The following CDC42SE2 variants were observed in gnomAD, a reference collection of about 807,000 sequenced individuals.
The protein encoded by CDC42SE2 is CDC42 small effector 2, also known as CDC42 small effector protein 2.
CDC42SE2 carries 3 observed loss-of-function variants against 11.5 expected under a neutral mutation model. The ratio of observed to expected loss-of-function variants is 0.26; its 90% CI spans 0.12 to 0.67. The LOEUF (loss-of-function observed/expected upper bound fraction) is 0.67. Ranked by LOEUF, CDC42SE2 falls within the 30% of genes least tolerant of loss-of-function variation. The pLI is 0.80. For missense variants in CDC42SE2, 82 were observed against 106.8 expected, an observed-to-expected ratio of 0.77 and a Z score of 1.02; for synonymous variants, 33 against 34.8, an observed-to-expected ratio of 0.95 and a Z score of 0.18.
At chr5:131,301,845 A>C (rs1488244011) in intron 1 of CDC42SE2, among the ~76,000 whole-genome samples, 1 of 152,118 alleles carries the variant, frequency 6.6e-6, no homozygotes, top group African/African-American at 2.4e-5. Context: ...GTATCATCAT[A>C]ATATTAAGCC....
At chr5:131,226,651 AG>A in the CDC42SE2 span, among the ~76,000 whole-genome samples, 2 of 152,194 alleles carry the variant, frequency 1.3e-5, no homozygotes, top group Non-Finnish European at 2.9e-5. Flanking sequence ...CAGCCAGAGT[AG>A]GGGCTTATGA....
intron 1 of CDC42SE2, among the ~76,000 whole-genome samples, chr5:131,245,882 A>G (rs1756577531): frequency 6.6e-6 from 1 of 152,216 alleles, no homozygotes; most frequent in African/African-American, 2.4e-5. Flanking sequence ...TCTATTTTAC[A>G]GTCTATGACA....
At chr5:131,328,624 A>T (rs191910510) in intron 2 of CDC42SE2, among the ~76,000 whole-genome samples, 50 of 152,306 alleles carry the variant, frequency 3.3e-4, no homozygotes, top group Non-Finnish European at 5.6e-4. Context: ...CTAGGGACAC[A>T]TTCTTGGATC....
At chr5:131,229,804 C>T in the CDC42SE2 span, among the ~76,000 whole-genome samples, 55 of 152,066 alleles carry the variant, frequency 3.6e-4, no homozygotes, top group Admixed American at 7.9e-4. Context: ...CATGGTGGCA[C>T]GAGCCTGTAG....
intron 3 of CDC42SE2, among the ~76,000 whole-genome samples, chr5:131,383,059 T>TA (rs1304086918): frequency 5.9e-5 from 9 of 151,980 alleles, no homozygotes; most frequent in Non-Finnish European, 2.9e-5. Context: ...TGAAGAGAAG[T>TA]ATGTTGAATG....
rs141559169 is a variant in CDC42SE2 at position 131,319,483 on chromosome 5, T to C, written c.-286+3339T>C. 4.0e-3 allele frequency among the ~76,000 whole-genome samples: 616 copies of C among 152,304 alleles called. 6 individuals carry two copies. Among genetic ancestry groups the C allele is most frequent in the African/African-American group, 0.014 (596 of 41,564 alleles). ...CCCCATAGACAGAGCTTGCACTCTG[T>C]ATACTGGCTTCCTTTGCCCCTTAGC... On this transcript the variant is annotated intron_variant, in intron 2 of 4. Transcript: ENST00000505065.
At position 131,256,889 on chromosome 5, in the gene CDC42SE2, T is replaced by C. The variant is rs761492214; in HGVS notation, n.242+1660T>C. ...CAGGCCCACTCAGATAATCTCCTTATGTTAAGGTCAACTATGACACACAAC... is the reference window on the plus strand; with the variant it reads ...CAGGCCCACTCAGATAATCTCCTTACGTTAAGGTCAACTATGACACACAAC... On this transcript the variant is annotated intron_variant and non_coding_transcript_variant, in intron 2 of 3. Coordinates refer to the CDC42SE2 transcript ENST00000502840. Among the ~76,000 whole-genome samples the C allele has an allele frequency of 5.9e-5, 9 of 152,260 alleles. 1 individual carries two copies. Among genetic ancestry groups the C allele is most frequent in the African/African-American group, 2.4e-5 (1 of 41,472 alleles).
intron 2 of CDC42SE2, among the ~76,000 whole-genome samples, chr5:131,357,234 T>A (rs115542579): frequency 6.6e-6 from 1 of 152,214 alleles, no homozygotes; most frequent in East Asian, 1.9e-4. Flanking sequence ...ATGGCAAAAA[T>A]GTAAACTTTT....
chr5:131,306,071 A>G (rs1221555564), intron 1 of CDC42SE2, among the ~76,000 whole-genome samples: 1 of 152,154 alleles, frequency 6.6e-6, no homozygotes, highest in African/African-American at 2.4e-5. Context: ...ATGATCTGAA[A>G]ATAGTGTATG....
At chr5:131,339,246 G>GA (rs34594352) in intron 2 of CDC42SE2, among the ~76,000 whole-genome samples, 5,785 of 28,098 alleles carry the variant, frequency 0.21, 1,468 homozygotes, top group Non-Finnish European at 0.31. Context: ...GACTCTGTCT[G>GA]AAAAAAAAAA....
At chr5:131,302,506 G>C (rs1345664235) in intron 1 of CDC42SE2, among the ~76,000 whole-genome samples, 1 of 151,928 alleles carries the variant, frequency 6.6e-6, no homozygotes, top group African/African-American at 2.4e-5. Flanking sequence ...ATAGAGACGG[G>C]GGTTTCACCA....
intron 3 of CDC42SE2, among the ~76,000 whole-genome samples, chr5:131,382,489 A>C (rs1750354022): frequency 1.3e-5 from 2 of 152,148 alleles, no homozygotes; most frequent in South Asian, 4.1e-4. Context: ...CTTCTGGAGG[A>C]AATGATGCAG....
intron 2 of CDC42SE2, among the ~76,000 whole-genome samples, chr5:131,258,708 C>G (rs1449010461): frequency 6.6e-6 from 1 of 152,192 alleles, no homozygotes; most frequent in Non-Finnish European, 1.5e-5. Flanking sequence ...AAACACTGAT[C>G]TGACTACCTT....
At chr5:131,281,313 T>C (rs950642739) in intron 1 of CDC42SE2, among the ~76,000 whole-genome samples, 11 of 152,182 alleles carry the variant, frequency 7.2e-5, no homozygotes, top group African/African-American at 2.7e-4. Flanking sequence ...ACATTTCTCA[T>C]GTGGTAAAGA....
chr5:131,381,170 G>C (rs1750309866), intron 3 of CDC42SE2, among the ~76,000 whole-genome samples: 1 of 152,062 alleles, frequency 6.6e-6, no homozygotes, highest in East Asian at 1.9e-4. Context: ...TGTTAATGCT[G>C]GTGATTCTCA....
At chr5:131,272,382 T>G (rs539806914) in intron 1 of CDC42SE2, among the ~76,000 whole-genome samples, 1 of 152,222 alleles carries the variant, frequency 6.6e-6, no homozygotes, top group Admixed American at 6.6e-5. Context: ...TTTTAATACC[T>G]CTCGTCAAAC....
intron 2 of CDC42SE2, among the ~76,000 whole-genome samples, chr5:131,334,622 A>G (rs759752805): frequency 6.6e-6 from 1 of 152,130 alleles, no homozygotes; most frequent in Non-Finnish European, 1.5e-5. Flanking sequence ...GTAGGCTATT[A>G]ATTGTTGCCT....
chr5:131,220,174 G>A, the CDC42SE2 span, among the ~76,000 whole-genome samples: 48 of 152,236 alleles, frequency 3.2e-4, no homozygotes, highest in African/African-American at 1.1e-3. Context: ...GAATAACCCT[G>A]TTTTAAAAAT....
chr5:131,307,873 A>G (rs973607661), intron 1 of CDC42SE2, among the ~76,000 whole-genome samples: 1 of 152,160 alleles, frequency 6.6e-6, no homozygotes, highest in African/African-American at 2.4e-5. Context: ...TTCTTTTGAA[A>G]AGTGTCTGCT....
Sources: allele counts gnomAD v4.1 joint callset (sites outside exome capture counted in the v4.1 genomes callset), GRCh38; gene constraint gnomAD v4.1.1; transcripts MANE v1.5; gene names NCBI Gene and HGNC (gene_info 2026-07-23, HGNC 2026-07-21).